The following KCNN2 variants were observed in gnomAD, a reference collection of about 807,000 sequenced individuals.
KCNN2 encodes the protein potassium calcium-activated channel subfamily N member 2, also known as small conductance calcium-activated potassium channel protein 2.
In KCNN2, 24 loss-of-function variants were observed where a neutral mutation model predicts 55.5. The ratio of observed to expected loss-of-function variants is 0.43; its 90% CI spans 0.31 to 0.61. KCNN2 has a LOEUF of 0.61. Among genes scored for constraint, KCNN2 ranks in the 20% least tolerant of loss-of-function variants. The probability of loss-of-function intolerance (pLI) is 0.08; values close to 1 mark genes in which losing one functional copy is unlikely to be tolerated. For synonymous variants in KCNN2, 431 were observed against 336.1 expected (o/e 1.28, Z -3.09); for missense variants, 754 against 853.6 (o/e 0.88, Z 1.45).
chr5:114,145,859 G>A (rs923386364), intron 1 of KCNN2, among the ~76,000 whole-genome samples: 3 of 152,180 alleles, frequency 2.0e-5, no homozygotes, highest in Non-Finnish European at 4.4e-5. Flanking sequence ...CTGGAGACGA[G>A]TTGTTTAGGA....
chr5:114,137,855 G>A (rs760797222), intron 1 of KCNN2, among the ~76,000 whole-genome samples: 9 of 152,054 alleles, frequency 5.9e-5, no homozygotes, highest in Non-Finnish European at 1.2e-4. Context: ...AAATATTGGG[G>A]GAAACAATAG....
chr5:114,177,279 A>G (rs960154248), intron 1 of KCNN2, among the ~76,000 whole-genome samples: 1 of 151,960 alleles, frequency 6.6e-6, no homozygotes, highest in Non-Finnish European at 1.5e-5. Flanking sequence ...CTGGGACTAC[A>G]GGAGCCCGCC....
intron 1 of KCNN2, among the ~76,000 whole-genome samples, chr5:114,077,780 G>T (rs1028295674): frequency 2.0e-5 from 3 of 152,184 alleles, no homozygotes; most frequent in African/African-American, 7.2e-5. Flanking sequence ...TTTGAAAATT[G>T]GAGAACATTT....
Position 114,159,788 on chromosome 5 carries a change from C to T in KCNN2, c.-270-61692C>T, listed in dbSNP as rs375258646. On this transcript the variant is annotated intron_variant, in intron 1 of 10. Transcript: ENST00000512097. ...TCTTCTAGATTTTCTAGTTTATTTG[C>T]GTAGAGGTGTTTATAGTATTCTCTG... Among the ~76,000 whole-genome samples the T allele has an allele frequency of 5.3e-5, 8 of 152,238 alleles. No homozygotes were observed. In the South Asian group the frequency reaches 1.0e-3, roughly 20 times the overall value.
At chr5:114,478,096 A>G (rs1333537673) in intron 5 of KCNN2, among the ~76,000 whole-genome samples, 2 of 152,140 alleles carry the variant, frequency 1.3e-5, no homozygotes, top group Non-Finnish European at 2.9e-5. Flanking sequence ...AAAACTGGAG[A>G]GAGAGGTTGG....
At chr5:114,056,763 G>A (rs1217934039) in intron 1 of KCNN2, among the ~76,000 whole-genome samples, 1 of 152,020 alleles carries the variant, frequency 6.6e-6, no homozygotes, top group East Asian at 1.9e-4. Context: ...CCTCCCTTCC[G>A]TCTTCCATCC....
At chr5:114,309,712 G>C (rs1177691902) in intron 2 of KCNN2, among the ~76,000 whole-genome samples, 1 of 152,144 alleles carries the variant, frequency 6.6e-6, no homozygotes, top group Non-Finnish European at 1.5e-5. Context: ...CTATCTAGGA[G>C]AGTCAACCAT....
intron 1 of KCNN2, among the ~76,000 whole-genome samples, chr5:114,119,069 G>A (rs1373745623): frequency 1.3e-5 from 2 of 152,202 alleles, no homozygotes; most frequent in East Asian, 3.9e-4. Context: ...GCCTAAACAT[G>A]CAGTATATTA....
intron 2 of KCNN2, among the ~76,000 whole-genome samples, chr5:114,308,665 T>G (rs114246999): frequency 9.1e-4 from 138 of 152,248 alleles, no homozygotes; most frequent in African/African-American, 3.2e-3. Flanking sequence ...TGGGTGGTAA[T>G]GGTAATGAGT....
chr5:114,384,733 C>T (rs1758224739), intron 2 of KCNN2, among the ~76,000 whole-genome samples: 1 of 152,128 alleles, frequency 6.6e-6, no homozygotes, highest in Non-Finnish European at 1.5e-5. Context: ...TTGGTTGTGA[C>T]TGGCTGGAGC....
chr5:114,199,612 A>AT (rs34199440), intron 1 of KCNN2, among the ~76,000 whole-genome samples: 93,480 of 150,198 alleles, frequency 0.62, 30,557 homozygotes, highest in Non-Finnish European at 0.74. Context: ...TGGGTTTTAT[A>AT]TTTTTTTTTA....
At chr5:114,176,217 T>C (rs1210590378) in intron 1 of KCNN2, among the ~76,000 whole-genome samples, 1 of 152,182 alleles carries the variant, frequency 6.6e-6, no homozygotes, top group Non-Finnish European at 1.5e-5. Flanking sequence ...TTCCCAAGTG[T>C]GGCAACCAAA....
At chr5:114,418,034 A>C (rs1759360657) in intron 3 of KCNN2, among the ~76,000 whole-genome samples, 1 of 152,212 alleles carries the variant, frequency 6.6e-6, no homozygotes, top group South Asian at 2.1e-4. Context: ...CCTATCAGTT[A>C]TAACAATAGA....
At chr5:114,134,334 C>A (rs1752126645) in intron 1 of KCNN2, among the ~76,000 whole-genome samples, 2 of 147,816 alleles carry the variant, frequency 1.4e-5, no homozygotes. Flanking sequence ...ATTTAGAAAA[C>A]TTTTTTTTTT....
intron 1 of KCNN2, among the ~76,000 whole-genome samples, chr5:114,110,988 C>T (rs1751584876): frequency 6.6e-6 from 1 of 152,050 alleles, no homozygotes; most frequent in African/African-American, 2.4e-5. Context: ...CTCTAAAGTT[C>T]ATATGGAACC....
intron 1 of KCNN2, among the ~76,000 whole-genome samples, chr5:114,146,411 T>G (rs1176085186): frequency 1.3e-5 from 2 of 152,156 alleles, no homozygotes; most frequent in African/African-American, 4.8e-5. Flanking sequence ...AAGAAAATTT[T>G]TAAAAGCTTT....
intron 1 of KCNN2, among the ~76,000 whole-genome samples, chr5:114,138,710 A>T (rs1752217771): frequency 6.6e-6 from 1 of 152,176 alleles, no homozygotes. Flanking sequence ...ATCCATTTCC[A>T]CTGTATAGGT....
chr5:114,367,157 A>G (rs537312602), intron 2 of KCNN2, among the ~76,000 whole-genome samples: 1 of 152,282 alleles, frequency 6.6e-6, no homozygotes, highest in African/African-American at 2.4e-5. Context: ...GCAAAACAAG[A>G]TGGTTCAGGT....
intron 2 of KCNN2, among the ~76,000 whole-genome samples, chr5:114,233,745 C>T (rs1025838698): frequency 9.9e-5 from 15 of 152,166 alleles, no homozygotes; most frequent in African/African-American, 3.6e-4. Context: ...CACAATGAGA[C>T]TTTGCAATTT....
Sources: gnomAD v4.1 joint callset for allele counts (sites outside exome capture counted in the v4.1 genomes callset) on GRCh38, gnomAD v4.1.1 for gene constraint, MANE v1.5 for transcripts, NCBI Gene and HGNC (gene_info 2026-07-23, HGNC 2026-07-21) for gene names.